The following CIMIP6 variants were observed in gnomAD, a reference collection of about 807,000 sequenced individuals.
The protein encoded by CIMIP6 is uncharacterized protein C2orf73.
chr2:54,347,792 G>C, the CIMIP6 span, among the ~76,000 whole-genome samples: 1 of 152,096 alleles, frequency 6.6e-6, no homozygotes, highest in Non-Finnish European at 1.5e-5. Flanking sequence ...CATGCTCCCT[G>C]CCTCAGAGGT....
At chr2:54,368,546 C>T in the CIMIP6 span, among the ~76,000 whole-genome samples, 6 of 152,170 alleles carry the variant, frequency 3.9e-5, no homozygotes, top group African/African-American at 1.4e-4. Flanking sequence ...ACTTCTAAGA[C>T]CTTGGAATGT....
chr2:54,381,942 G>C, the CIMIP6 span: 3 of 1,549,374 alleles, frequency 1.9e-6, no homozygotes, highest in Admixed American at 5.9e-5. Context: ...TGTTTTTTTA[G>C]GTGGTTTCAT....
the CIMIP6 span, among the ~76,000 whole-genome samples, chr2:54,380,160 AAAG>A: frequency 2.0e-5 from 3 of 151,992 alleles, no homozygotes; most frequent in African/African-American, 7.3e-5. Flanking sequence ...ATAAAATAAA[AAAG>A]AAGGAAGGAA....
chr2:54,373,505 C>T, the CIMIP6 span, among the ~76,000 whole-genome samples: 4 of 152,142 alleles, frequency 2.6e-5, no homozygotes, highest in Admixed American at 6.5e-5. Context: ...TGTCTCTATA[C>T]TTGTTCCAGG....
At chr2:54,342,530 A>AT in the CIMIP6 span, among the ~76,000 whole-genome samples, 1 of 151,530 alleles carries the variant, frequency 6.6e-6, no homozygotes, top group Admixed American at 6.6e-5. Flanking sequence ...TTTAAATCTA[A>AT]TGTTGTATAT....
chr2:54,364,647 C>T, the CIMIP6 span, among the ~76,000 whole-genome samples: 51 of 152,170 alleles, frequency 3.4e-4, 3 homozygotes, highest in Non-Finnish European at 5.9e-5. Context: ...TGTTAACCAA[C>T]AGGGCAATGC....
chr2:54,358,452 A>G, the CIMIP6 span, among the ~76,000 whole-genome samples: 1 of 152,116 alleles, frequency 6.6e-6, no homozygotes, highest in South Asian at 2.1e-4. Flanking sequence ...CCCAGGCTGA[A>G]GCACAGTGGT....
At chr2:54,367,276 T>C in the CIMIP6 span, among the ~76,000 whole-genome samples, 1 of 152,160 alleles carries the variant, frequency 6.6e-6, no homozygotes, top group Non-Finnish European at 1.5e-5. Context: ...AGGATGTTCT[T>C]TCATGAAATT....
chr2:54,338,209 G>C, the CIMIP6 span, among the ~76,000 whole-genome samples: 1 of 152,250 alleles, frequency 6.6e-6, no homozygotes, highest in South Asian at 2.1e-4. Flanking sequence ...CAAGGCAGGA[G>C]GGTAACTTGA....
chr2:54,365,359 C>T, the CIMIP6 span, among the ~76,000 whole-genome samples: 2 of 152,092 alleles, frequency 1.3e-5, no homozygotes, highest in East Asian at 3.9e-4. Context: ...TAAGCCTGCA[C>T]ACACGAGACA....
At chr2:54,360,510 C>T in the CIMIP6 span, 18,875 of 1,557,160 alleles carry the variant, frequency 0.012, 149 homozygotes, top group Non-Finnish European at 0.014. Flanking sequence ...GTAGGAGATG[C>T]TCTTTTCACT....
chr2:54,359,014 C>A, the CIMIP6 span: 9 of 1,556,988 alleles, frequency 5.8e-6, no homozygotes, highest in Admixed American at 1.7e-4. Flanking sequence ...TTATAGAATA[C>A]ATCTCTTTTA....
the CIMIP6 span, among the ~76,000 whole-genome samples, chr2:54,374,553 T>G: frequency 6.6e-6 from 1 of 152,232 alleles, no homozygotes; most frequent in African/African-American, 2.4e-5. Flanking sequence ...ATTAACAGGA[T>G]AGTTTGACTC....
At chr2:54,343,023 C>A in the CIMIP6 span, among the ~76,000 whole-genome samples, 1 of 152,134 alleles carries the variant, frequency 6.6e-6, no homozygotes, top group Non-Finnish European at 1.5e-5. Context: ...TTCTTGTGTA[C>A]TTAGGTTTTA....
chr2:54,382,034 G>A, the CIMIP6 span: 1 of 1,467,440 alleles, frequency 6.8e-7, no homozygotes, highest in Non-Finnish European at 9.0e-7. Context: ...AAGGCCCAGA[G>A]AAGTTAGGTA....
chr2:54,342,205 G>A, the CIMIP6 span, among the ~76,000 whole-genome samples: 1 of 152,074 alleles, frequency 6.6e-6, no homozygotes, highest in East Asian at 1.9e-4. Flanking sequence ...GCTCTTCAGG[G>A]CTTAGTTCTT....
the CIMIP6 span, among the ~76,000 whole-genome samples, chr2:54,379,355 T>A: frequency 6.6e-6 from 1 of 152,204 alleles, no homozygotes; most frequent in Non-Finnish European, 1.5e-5. Context: ...TTTCTCCAGT[T>A]CTCACTCTTC....
the CIMIP6 span, chr2:54,331,104 C>G: frequency 2.7e-6 from 3 of 1,126,290 alleles, no homozygotes; most frequent in Non-Finnish European, 3.9e-6. Flanking sequence ...CAAGCTCAGA[C>G]AGCCCCCTTG....
At chr2:54,381,914 A>C in the CIMIP6 span, 1 of 1,550,676 alleles carries the variant, frequency 6.4e-7, no homozygotes, top group Non-Finnish European at 8.7e-7. Flanking sequence ...AAGAAAAGGA[A>C]CAGAGAGATC....
Sources: gnomAD v4.1 joint callset for allele counts (sites outside exome capture counted in the v4.1 genomes callset) on GRCh38, gnomAD v4.1.1 for gene constraint, MANE v1.5 for transcripts, NCBI Gene and HGNC (gene_info 2026-07-23, HGNC 2026-07-21) for gene names.